AK8: variants seen among roughly 807,000 people sequenced by gnomAD.
The protein encoded by AK8 is ATP-AMP transphosphorylase 8.
A neutral mutation model predicts 54.6 loss-of-function variants in AK8; 44 were observed. The ratio of observed to expected loss-of-function variants is 0.81; its 90% CI spans 0.63 to 1.04. AK8 has a LOEUF of 1.04. Ranked by LOEUF, AK8 falls within the 50% of genes least tolerant of loss-of-function variation. The pLI is 0.00. For synonymous variants in AK8, 239 were observed against 245.6 expected (o/e 0.97, Z 0.25); for missense variants, 555 against 613.6 (o/e 0.90, Z 1.01).
intron 10 of AK8, among the ~76,000 whole-genome samples, chr9:132,797,057 A>C (rs1245556315): frequency 6.6e-6 from 1 of 152,190 alleles, no homozygotes; most frequent in Non-Finnish European, 1.5e-5. Flanking sequence ...TTTGAGCCAA[A>C]ACCCAAACAA....
intron 11 of AK8, among the ~76,000 whole-genome samples, chr9:132,736,643 G>C (rs916957080): frequency 1.8e-4 from 28 of 151,774 alleles, no homozygotes; most frequent in Middle Eastern, 3.4e-3. Flanking sequence ...ACATTAGCCA[G>C]GCATGGTGGT....
intron 5 of AK8, among the ~76,000 whole-genome samples, chr9:132,854,591 C>T (rs1035355591): frequency 8.5e-5 from 13 of 152,234 alleles, no homozygotes; most frequent in African/African-American, 3.1e-4. Flanking sequence ...CTGCGATTGT[C>T]CTGTCATTAA....
In AK8 at chr9:132,854,932, GA is replaced by G; in HGVS notation, c.334-8del. On this transcript the variant is annotated splice_region_variant and splice_polypyrimidine_tract_variant and intron_variant, in intron 4 of 12. Coordinates refer to ENST00000298545, the MANE Select transcript of AK8 (RefSeq NM_152572.3). ...GCAGCGCGCTGGGAACTGTCTGAAG[GA>G]AAAAGGACACACAGAATGATGGCCC... 2 of 1,614,034 alleles carry G rather than the reference GA, an allele frequency of 1.2e-6. No homozygotes were observed. The highest frequency in any genetic ancestry group is 1.7e-6 in the Non-Finnish European group (2 of 1,180,014).
At chr9:132,832,863 G>A (rs904614207) in intron 5 of AK8, among the ~76,000 whole-genome samples, 1 of 152,232 alleles carries the variant, frequency 6.6e-6, no homozygotes, top group African/African-American at 2.4e-5. Context: ...TGGTGCAGAT[G>A]TGAAAATCTA....
intron 5 of AK8, among the ~76,000 whole-genome samples, chr9:132,839,368 T>A (rs1225558940): frequency 6.6e-6 from 1 of 152,218 alleles, no homozygotes; most frequent in Non-Finnish European, 1.5e-5. Flanking sequence ...CAATGAGTCA[T>A]GGGGCAAAGT....
Position 132,735,554 on chromosome 9 carries a change from T to TA in AK8, c.1122-8021dup, listed in dbSNP as rs201875961. On this transcript the variant is annotated intron_variant, in intron 11 of 12. Coordinates refer to ENST00000298545, the MANE Select transcript of AK8 (RefSeq NM_152572.3). ...CTCAGTAGAATGACTATTACACATT[T>TA]AAAAAAAAAACCCATAAAGTAAGTG... Among the ~76,000 whole-genome samples, 54 of 149,026 alleles carry TA rather than the reference T, an allele frequency of 3.6e-4. No individual in the cohort carries two copies. In the East Asian group the frequency reaches 6.3e-3, roughly 17 times the overall value.
In AK8 at chr9:132,773,259, A is replaced by T. The variant is rs115295203; in HGVS notation, c.1121+19375T>A. ...TCTTCCCTACATCTGTCCATGGCTC[A>T]TTCCCTCACTCCATATAAGCCTCTG... On this transcript the variant is annotated intron_variant, in intron 11 of 12. Transcript: ENST00000298545. Among the ~76,000 whole-genome samples, 554 of 151,752 alleles carry T rather than the reference A, an allele frequency of 3.7e-3. 2 individuals are homozygous for T. Among genetic ancestry groups the T allele is most frequent in the African/African-American group, 0.013 (526 of 41,390 alleles).
intron 11 of AK8, among the ~76,000 whole-genome samples, chr9:132,780,321 C>A (rs1023551377): frequency 2.0e-5 from 3 of 152,214 alleles, no homozygotes; most frequent in Non-Finnish European, 2.9e-5. Context: ...AGGCTTGGCC[C>A]CAGCAGACTG....
chr9:132,795,819 G>A (rs114236150), intron 10 of AK8, among the ~76,000 whole-genome samples: 3 of 152,180 alleles, frequency 2.0e-5, no homozygotes, highest in Non-Finnish European at 4.4e-5. Flanking sequence ...GGAGGCTGAT[G>A]GTTTGACCGG....
intron 11 of AK8, among the ~76,000 whole-genome samples, chr9:132,738,300 G>T (rs1443201945): frequency 1.3e-5 from 2 of 152,024 alleles, no homozygotes; most frequent in African/African-American, 4.8e-5. Context: ...TGATCTGCCC[G>T]CCTCAGCCTC....
intron 5 of AK8, among the ~76,000 whole-genome samples, chr9:132,843,964 C>T (rs1842639531): frequency 6.6e-6 from 1 of 151,986 alleles, no homozygotes; most frequent in Admixed American, 6.6e-5. Context: ...GGATCAGGTT[C>T]CAAATAAAGG....
intron 10 of AK8, among the ~76,000 whole-genome samples, chr9:132,796,825 G>A (rs941851279): frequency 4.0e-5 from 6 of 150,446 alleles, no homozygotes; most frequent in Admixed American, 2.7e-4. Flanking sequence ...ACAGAGGGAG[G>A]GGGAAGGGTG....
At chr9:132,877,784 G>A in intron 1 of AK8, 1 of 481,782 alleles carries the variant, frequency 2.1e-6, no homozygotes, top group Non-Finnish European at 4.1e-6. Context: ...CCACAAATTC[G>A]ACAGATGGTA....
rs570701614 is a variant in AK8 at position 132,750,410 on chromosome 9, C to T, written c.1122-22876G>A. Reference sequence around the variant, plus strand: ...CTGGGATTACAGGTGTGAGCCACCGCGCCCGGCTCCTCTTCATTTCTTCTA... The same window carrying T: ...CTGGGATTACAGGTGTGAGCCACCGTGCCCGGCTCCTCTTCATTTCTTCTA... On this transcript the variant is annotated intron_variant, in intron 11 of 12. Transcript: ENST00000298545. Among the ~76,000 whole-genome samples the T allele has an allele frequency of 4.6e-5, 7 of 151,990 alleles. No individual in the cohort carries two copies. The East Asian group carries it at 5.8e-4, about 13-fold the overall frequency.
At chr9:132,840,402 ACACT>A (rs1842489861) in intron 5 of AK8, among the ~76,000 whole-genome samples, 1 of 90,182 alleles carries the variant, frequency 1.1e-5, no homozygotes, top group East Asian at 2.9e-4. Context: ...TCCCAAGTGG[ACACT>A]CACACACACA....
chr9:132,849,463 G>C (rs556574000), intron 5 of AK8, among the ~76,000 whole-genome samples: 1 of 152,150 alleles, frequency 6.6e-6, no homozygotes, highest in African/African-American at 2.4e-5. Context: ...AAGCCTCAAC[G>C]AGTGTCTCTC....
At chr9:132,852,337 C>T (rs933706933) in intron 5 of AK8, among the ~76,000 whole-genome samples, 1 of 151,948 alleles carries the variant, frequency 6.6e-6, no homozygotes, top group Non-Finnish European at 1.5e-5. Flanking sequence ...GGGCCGGGCG[C>T]GGTGGCTCAT....
rs1434233763 is a variant in AK8 at position 132,803,173 on chromosome 9, C to A, written c.980-10398G>T. Among the ~76,000 whole-genome samples, 1 of 152,110 alleles carries A rather than the reference C, an allele frequency of 6.6e-6. No individual in the cohort carries two copies. Among genetic ancestry groups the A allele is most frequent in the Admixed American group, 6.6e-5 (1 of 15,262 alleles). ...CACGAGAACAGCATGGAGGTAACCA[C>A]CCCCAAGATTCAATTACCTCCCACC... On this transcript the variant is annotated intron_variant, in intron 10 of 12. Transcript: ENST00000298545. The surrounding 1 kb of genome is among the most constrained non-coding windows in gnomAD (Gnocchi z 4.4).
rs1177160456 is a variant in AK8, at chr9:132,799,970, A to G, written c.980-7195T>C. Among the ~76,000 whole-genome samples, 1 of 152,172 alleles carries G rather than the reference A, an allele frequency of 6.6e-6. No individual in the cohort carries two copies. The highest frequency in any genetic ancestry group is 1.5e-5 in the Non-Finnish European group (1 of 68,026). ...CCCAGGAGGTCCAGGGAATCTTACAAAAGGAACAGGACTGTGGAGGAGGAA... is the reference window on the plus strand; with the variant it reads ...CCCAGGAGGTCCAGGGAATCTTACAGAAGGAACAGGACTGTGGAGGAGGAA... On this transcript the variant is annotated intron_variant, in intron 10 of 12. Coordinates refer to ENST00000298545, the MANE Select transcript of AK8 (RefSeq NM_152572.3). The surrounding 1 kb of genome is among the most constrained non-coding windows in gnomAD (Gnocchi z 5.0).
Sources: gnomAD v4.1 joint callset for allele counts (sites outside exome capture counted in the v4.1 genomes callset) on GRCh38, gnomAD v4.1.1 for gene constraint, Gnocchi (gnomAD v3.1) non-coding constraint, MANE v1.5 for transcripts, NCBI Gene and HGNC (gene_info 2026-07-23, HGNC 2026-07-21) for gene names.